RGSL1: variants seen among roughly 807,000 people sequenced by gnomAD.
RGSL1 encodes regulator of G protein signaling like 1, also known as regulator of G protein signaling protein-like.
A neutral mutation model predicts 124.7 loss-of-function variants in RGSL1; 97 were observed. That is an observed-to-expected ratio of 0.78 (90% CI 0.66 to 0.92). The LOEUF is 0.92. Ranked by LOEUF, RGSL1 falls within the 40% of genes least tolerant of loss-of-function variation. The probability of loss-of-function intolerance (pLI) is 0.00; values close to 1 mark genes in which losing one functional copy is unlikely to be tolerated. For synonymous variants in RGSL1, 424 were observed against 438.1 expected, an observed-to-expected ratio of 0.97 and a Z score of 0.40; for missense variants, 1,233 against 1,288.4, an observed-to-expected ratio of 0.96 and a Z score of 0.66.
intron 1 of RGSL1, among the ~76,000 whole-genome samples, chr1:182,451,476 C>CGTGATGGTATAGGGAGATAGTGA (rs1571445752): frequency 8.6e-5 from 10 of 115,630 alleles, no homozygotes; most frequent in Admixed American, 1.7e-4. Context: ...AATTTGTGAG[C>CGTGATGGTATAGGGAGATAGTGA]TGACTGTGCT....
intron 15 of RGSL1, 122 bp downstream of exon 15, chr1:182,540,543 T>C: frequency 1.3e-6 from 1 of 743,902 alleles, no homozygotes; most frequent in Non-Finnish European, 1.9e-6. Flanking sequence ...AGTAAGAGTC[T>C]CTCCTTCTGA....
At chr1:182,553,629 A>G (rs553973571) in intron 19 of RGSL1, 88 bp downstream of exon 19, 5 of 1,110,826 alleles carry the variant, frequency 4.5e-6, no homozygotes, top group Admixed American at 2.1e-5. Context: ...CTTATTGACA[A>G]TAAGGAGACT....
rs371891578 is a variant in RGSL1, at chr1:182,522,025, A to C, written c.1847A>C (p.Lys616Thr). ...TTAGATTTTAAAATGGAAATTATCAAGGAAACAAAGACAGTTTCACGCTCA... is the reference window on the plus strand; with the variant it reads ...TTAGATTTTAAAATGGAAATTATCACGGAAACAAAGACAGTTTCACGCTCA... The part of the protein sequence containing the change: ...PKIDFKMEII[K>T]ETKTVSRSNR... Residue 616 changes from lysine (K) to threonine (T), a missense_variant, in exon 10 of 22, where the codon AAG becomes ACG. Physicochemically the swap from Lys to Thr is moderately conservative, Grantham distance 78 (BLOSUM62 -1). Transcript: ENST00000294854. 6.2e-5 allele frequency: 96 copies of C among 1,544,094 alleles called. No individual in the cohort carries two copies. Among genetic ancestry groups the C allele is most frequent in the Non-Finnish European group, 3.1e-5 (36 of 1,144,648 alleles).
intron 9 of RGSL1, among the ~76,000 whole-genome samples, chr1:182,508,775 G>C (rs976606761): frequency 3.2e-4 from 43 of 133,848 alleles, no homozygotes; most frequent in African/African-American, 1.1e-3. Flanking sequence ...TGGAGGGAAG[G>C]CCAGCAGATA....
At chr1:182,468,611 C>T (rs894619947) in intron 4 of RGSL1, among the ~76,000 whole-genome samples, 2 of 151,964 alleles carry the variant, frequency 1.3e-5, no homozygotes, top group Non-Finnish European at 1.5e-5. Flanking sequence ...ACCCTGGGGC[C>T]TGTTGTAGGG....
chr1:182,456,280 T>C (rs190567232), intron 2 of RGSL1, among the ~76,000 whole-genome samples: 3 of 151,834 alleles, frequency 2.0e-5, no homozygotes, highest in East Asian at 1.9e-4. Context: ...ACTGTCTTAA[T>C]GAAGGTTTCA....
intron 18 of RGSL1, among the ~76,000 whole-genome samples, chr1:182,552,359 C>T (rs1440477232): frequency 6.6e-6 from 1 of 152,110 alleles, no homozygotes; most frequent in Admixed American, 6.5e-5. Flanking sequence ...TGTGATCCAC[C>T]CCCCTCAGTG....
chr1:182,458,877 C>A (rs376009738), intron 3 of RGSL1, among the ~76,000 whole-genome samples: 2 of 152,218 alleles, frequency 1.3e-5, no homozygotes, highest in African/African-American at 4.8e-5. Flanking sequence ...CAGACAGCAT[C>A]AATCCAGGTC....
At chr1:182,497,090 C>T (rs942292395) in intron 9 of RGSL1, among the ~76,000 whole-genome samples, 1 of 151,870 alleles carries the variant, frequency 6.6e-6, no homozygotes, top group Non-Finnish European at 1.5e-5. Flanking sequence ...TGATTTGGGG[C>T]CCATTGAATT....
In RGSL1 at chr1:182,473,796, G is replaced by T; in HGVS notation, c.685G>T (p.Gly229Trp). The stretch of plus-strand genomic sequence containing the variant: ...CAGCGTTTGCTACACCCACATAGGA[G>T]GGCTCCCTCTGAACATGAGCATCAA... Reference protein sequence around the residue: ...LYSVCYTHIGGLPLNMSIKKC... With the variant: ...LYSVCYTHIGWLPLNMSIKKC... The change falls in exon 6 of 22, where the codon GGG becomes TGG. Residue 229 changes from glycine (G) to tryptophan (W), a missense_variant. By Grantham distance (184) the Gly-to-Trp change is radical. Transcript: ENST00000294854. The T allele has an allele frequency of 6.4e-7, 1 of 1,551,658 alleles. No individual in the cohort carries two copies. Among genetic ancestry groups the T allele is most frequent in the Non-Finnish European group, 8.7e-7 (1 of 1,146,976 alleles).
chr1:182,549,553 A>G (rs1660432915), intron 17 of RGSL1: 2 of 152,232 alleles, frequency 1.3e-5, no homozygotes, highest in Admixed American at 6.5e-5. Flanking sequence ...GTTCCAGCTC[A>G]TATCTTCCAC....
intron 15 of RGSL1, among the ~76,000 whole-genome samples, chr1:182,546,493 A>C (rs1002241809): frequency 1.3e-5 from 2 of 152,160 alleles, no homozygotes; most frequent in African/African-American, 4.8e-5. Flanking sequence ...TCCTGGGTTC[A>C]AGCGATTCTC....
chr1:182,549,879 C>T (rs1317028468), intron 17 of RGSL1: 2 of 152,176 alleles, frequency 1.3e-5, no homozygotes, highest in African/African-American at 4.8e-5. Context: ...CTCTAGTTCT[C>T]CTAGCAAGGA....
intron 18 of RGSL1, among the ~76,000 whole-genome samples, chr1:182,552,761 A>G (rs998403072): frequency 6.6e-6 from 1 of 152,232 alleles, no homozygotes; most frequent in African/African-American, 2.4e-5. Context: ...TTTACGCTGC[A>G]TCACCCCATG....
intron 5 of RGSL1, among the ~76,000 whole-genome samples, 152 bp from the exon 6 acceptor site, chr1:182,473,423 A>G (rs1201097659): frequency 5.9e-5 from 9 of 152,226 alleles, no homozygotes; most frequent in Admixed American, 3.9e-4. Flanking sequence ...TGTCGACTCT[A>G]TATTTAAACT....
At position 182,556,395 on chromosome 1, in the gene RGSL1, G is replaced by A. The variant is rs180790619; in HGVS notation, c.*165+173G>A. ...ATGTAAAGATCACTGAAGGCAATCA[G>A]GAGCAAGGTGCTATAATTATCAGCA... On this transcript the variant is annotated intron_variant, in intron 21 of 21. Transcript: ENST00000294854. 1.4e-4 allele frequency among the ~76,000 whole-genome samples: 21 copies of A among 152,330 alleles called. No homozygotes were observed. In the East Asian group the frequency reaches 4.0e-3, roughly 29 times the overall value.
chr1:182,470,547 T>C (rs998184823), intron 4 of RGSL1, among the ~76,000 whole-genome samples: 5 of 152,196 alleles, frequency 3.3e-5, no homozygotes, highest in Non-Finnish European at 7.3e-5. Context: ...TTTGTACAAA[T>C]CTTGTCTCCT....
chr1:182,555,721 G>A (rs1318469140), intron 20 of RGSL1: 1 of 382,506 alleles, frequency 2.6e-6, no homozygotes, highest in Non-Finnish European at 4.8e-6. Flanking sequence ...CCTGTTTCCA[G>A]ACTTGTCCTT....
chr1:182,500,531 A>AT (rs201791558), intron 9 of RGSL1, among the ~76,000 whole-genome samples: 1,540 of 152,068 alleles, frequency 0.01, 19 homozygotes, highest in African/African-American at 0.03. Flanking sequence ...CAACTTTTCC[A>AT]TTTTTTCAAA....
Sources: gnomAD v4.1 joint callset for allele counts (sites outside exome capture counted in the v4.1 genomes callset) on GRCh38, gnomAD v4.1.1 for gene constraint, MANE v1.5 for transcripts, NCBI Gene and HGNC (gene_info 2026-07-23, HGNC 2026-07-21) for gene names.